CRB1: variants seen among roughly 807,000 people sequenced by gnomAD.
CRB1 encodes crumbs cell polarity complex component 1.
In CRB1, 83 loss-of-function variants were observed where a neutral mutation model predicts 120.0. The observed-to-expected ratio is 0.69, with a 90% CI of 0.58 to 0.83. The LOEUF is 0.83. Among genes scored for constraint, CRB1 ranks in the 40% least tolerant of loss-of-function variants. CRB1 has a pLI of 0.00. For missense variants in CRB1, 1,699 were observed against 1,687.6 expected (o/e 1.01, Z -0.12); for synonymous variants, 625 against 612.5 (o/e 1.02, Z -0.30).
At chr1:197,332,300 A>G (rs1169656514) in intron 2 of CRB1, among the ~76,000 whole-genome samples, 3 of 152,164 alleles carry the variant, frequency 2.0e-5, no homozygotes, top group Non-Finnish European at 4.4e-5. Context: ...TCCAATGGGA[A>G]TGAGTCCCCT....
chr1:197,424,078 A>G (rs1664462418), intron 6 of CRB1, among the ~76,000 whole-genome samples: 1 of 152,212 alleles, frequency 6.6e-6, no homozygotes, highest in Non-Finnish European at 1.5e-5. Flanking sequence ...CTTTTCAGCC[A>G]TATACCTAGA....
chr1:197,211,157 T>C, the CRB1 span, among the ~76,000 whole-genome samples: 1 of 152,162 alleles, frequency 6.6e-6, no homozygotes, highest in Non-Finnish European at 1.5e-5. Flanking sequence ...ATATGAAATA[T>C]TTTAGTGTTT....
chr1:197,366,924 A>C (rs1243190270), intron 5 of CRB1, among the ~76,000 whole-genome samples: 3 of 152,230 alleles, frequency 2.0e-5, no homozygotes, highest in African/African-American at 2.4e-5. Context: ...ATTTCAAAAA[A>C]AAATTTGGCA....
chr1:197,457,701 G>A (rs961118643), intron 11 of CRB1, among the ~76,000 whole-genome samples: 11 of 152,122 alleles, frequency 7.2e-5, no homozygotes, highest in East Asian at 3.9e-4. Flanking sequence ...AAAAAGCTTC[G>A]TGCAGAAGAT....
At chr1:197,404,459 A>G (rs1663237524) in intron 5 of CRB1, among the ~76,000 whole-genome samples, 1 of 151,382 alleles carries the variant, frequency 6.6e-6, no homozygotes, top group African/African-American at 2.4e-5. Flanking sequence ...AAAAAAAAAA[A>G]AAAAAAAAAA....
Position 197,435,289 on chromosome 1 carries a change from CT to C in CRB1, c.3427del (p.Cys1143AlafsTer67), listed in dbSNP as rs2125500431. On this transcript the variant is annotated frameshift_variant, in exon 9 of 12. Coordinates refer to ENST00000367400, the MANE Select transcript of CRB1 (RefSeq NM_201253.3). LOFTEE classifies it high-confidence loss of function. Reference protein sequence around the residue: ...VVTGCLQLNVCNSNPCLHGGN... With the variant: ...VVTGCLQLNVXNSNPCLHGGN... ...TCACTGGCTGTTTGCAGTTAAATGT[CT>C]GCAACTCCAACCCCTGTTTGCATGG... 2 of 1,613,826 alleles carry C rather than the reference CT, an allele frequency of 1.2e-6. No homozygotes were observed. Among genetic ancestry groups the C allele is most frequent in the Non-Finnish European group, 1.7e-6 (2 of 1,179,838 alleles).
At chr1:197,411,044 A>G (rs1423958260) in intron 5 of CRB1, among the ~76,000 whole-genome samples, 1 of 152,236 alleles carries the variant, frequency 6.6e-6, no homozygotes, top group African/African-American at 2.4e-5. Flanking sequence ...CTTTAGCTAC[A>G]TGAAGACCCT....
chr1:197,357,265 C>G (rs918901989), intron 5 of CRB1: 27 of 542,426 alleles, frequency 5.0e-5, no homozygotes, highest in African/African-American at 4.7e-4. Context: ...ATACTGGGAA[C>G]TGGAGTGCAT....
chr1:197,329,578 T>C (rs567047760), intron 2 of CRB1, among the ~76,000 whole-genome samples: 40 of 152,234 alleles, frequency 2.6e-4, no homozygotes, highest in South Asian at 2.1e-4. Flanking sequence ...TTTCTGTTGA[T>C]AGAATTTTAT....
the CRB1 span, among the ~76,000 whole-genome samples, chr1:197,260,213 A>AG: frequency 8.7e-5 from 1 of 11,470 alleles, no homozygotes; most frequent in Non-Finnish European, 1.3e-4. Flanking sequence ...AAGAGGAAGG[A>AG]GAAAAACAAC....
At chr1:197,301,072 C>A (rs1002285897) in intron 1 of CRB1, among the ~76,000 whole-genome samples, 2 of 151,594 alleles carry the variant, frequency 1.3e-5, no homozygotes, top group East Asian at 3.9e-4. Flanking sequence ...ATTGACAATG[C>A]CCCTAGTCAC....
chr1:197,428,096 G>C, intron 7 of CRB1, 95 bp downstream of exon 7: 1 of 1,165,922 alleles, frequency 8.6e-7, no homozygotes, highest in Non-Finnish European at 1.2e-6. Flanking sequence ...TGTATATAAA[G>C]ATGATGTTAC....
the CRB1 span, among the ~76,000 whole-genome samples, chr1:197,259,364 T>A: frequency 6.6e-6 from 1 of 152,224 alleles, no homozygotes; most frequent in African/African-American, 2.4e-5. Flanking sequence ...AGGAATGAGA[T>A]CATGTCCTTT....
At chr1:197,272,319 C>A (rs1402520069) in intron 1 of CRB1, among the ~76,000 whole-genome samples, 4 of 152,094 alleles carry the variant, frequency 2.6e-5, no homozygotes, top group Admixed American at 2.0e-4. Flanking sequence ...ATGAAATAAT[C>A]TCATCAGTTT....
Position 197,342,726 on chromosome 1 carries a change from T to G in CRB1, c.653-1555T>G, listed in dbSNP as rs75519027. Among the ~76,000 whole-genome samples, 901 of 152,320 alleles carry G rather than the reference T, an allele frequency of 5.9e-3. 7 individuals carry two copies. The highest frequency in any genetic ancestry group is 0.021 in the African/African-American group (869 of 41,572). The stretch of plus-strand genomic sequence containing the variant: ...CTTCCAGTCACTTTTCAAACATTTT[T>G]TATTCTACCTACCCTGAAGAATTAA... On this transcript the variant is annotated intron_variant, in intron 2 of 11. Coordinates refer to ENST00000367400, the MANE Select transcript of CRB1 (RefSeq NM_201253.3).
intron 11 of CRB1, among the ~76,000 whole-genome samples, chr1:197,476,903 G>A (rs971919140): frequency 6.6e-6 from 1 of 152,154 alleles, no homozygotes; most frequent in Non-Finnish European, 1.5e-5. Flanking sequence ...GTTAGCCATT[G>A]TTAAACTGAT....
chr1:197,234,932 C>G, the CRB1 span, among the ~76,000 whole-genome samples: 1 of 152,200 alleles, frequency 6.6e-6, no homozygotes, highest in Non-Finnish European at 1.5e-5. Flanking sequence ...TCAGTTATGT[C>G]AGTCACATCC....
At chr1:197,231,816 T>C in the CRB1 span, among the ~76,000 whole-genome samples, 1 of 152,172 alleles carries the variant, frequency 6.6e-6, no homozygotes, top group Admixed American at 6.5e-5. Context: ...GCAGTAGCTC[T>C]CTTCTGTAGA....
chr1:197,261,652 G>C, the CRB1 span, among the ~76,000 whole-genome samples: 100 of 152,156 alleles, frequency 6.6e-4, no homozygotes, highest in African/African-American at 2.3e-3. Context: ...ATTACTTCTG[G>C]AGAGGAGTGT....
Sources: gnomAD v4.1 joint callset for allele counts (sites outside exome capture counted in the v4.1 genomes callset) on GRCh38, gnomAD v4.1.1 for gene constraint, MANE v1.5 for transcripts, NCBI Gene and HGNC (gene_info 2026-07-23, HGNC 2026-07-21) for gene names.